CACNA2D3: variants seen among roughly 807,000 people sequenced by gnomAD.
CACNA2D3 encodes calcium voltage-gated channel auxiliary subunit alpha2delta 3, also known as voltage-dependent calcium channel subunit alpha-2/delta-3.
Under a neutral mutation model 160.6 loss-of-function variants are expected in CACNA2D3, and 60 were observed. The ratio of observed to expected loss-of-function variants is 0.37; its 90% confidence interval spans 0.30 to 0.46. The LOEUF is 0.46. Ranked by LOEUF, CACNA2D3 falls within the 20% of genes least tolerant of loss-of-function variation. The pLI, the probability that CACNA2D3 is intolerant of heterozygous loss-of-function variation, is 1.00. For synonymous variants in CACNA2D3, 558 were observed against 492.9 expected (o/e 1.13, Z -1.75); for missense variants, 1,205 against 1,365.0 (o/e 0.88, Z 1.85).
At chr3:54,620,541 A>G (rs924547376) in intron 9 of CACNA2D3, among the ~76,000 whole-genome samples, 19 of 152,140 alleles carry the variant, frequency 1.2e-4, no homozygotes, top group Non-Finnish European at 2.6e-4. Flanking sequence ...CAAAAAATAC[A>G]ATTATAAAGA....
intron 26 of CACNA2D3, among the ~76,000 whole-genome samples, chr3:54,897,283 C>T (rs1700212977): frequency 6.6e-6 from 1 of 152,128 alleles, no homozygotes. Flanking sequence ...AACTGATATG[C>T]CGGACTAAGG....
intron 17 of CACNA2D3, among the ~76,000 whole-genome samples, chr3:54,867,787 T>C (rs762733543): frequency 2.6e-5 from 4 of 152,234 alleles, no homozygotes; most frequent in Non-Finnish European, 5.9e-5. Flanking sequence ...TTTTCCTGGA[T>C]AAATCCAGGA....
At chr3:55,057,430 C>A (rs1036949520) in intron 35 of CACNA2D3, among the ~76,000 whole-genome samples, 1 of 152,116 alleles carries the variant, frequency 6.6e-6, no homozygotes. Flanking sequence ...AGATTCCCCC[C>A]ATCCCACCAA....
intron 2 of CACNA2D3, among the ~76,000 whole-genome samples, chr3:54,303,847 T>TTTC (rs1703535963): frequency 7.3e-6 from 1 of 136,508 alleles, no homozygotes; most frequent in African/African-American, 2.8e-5. Context: ...TTCTATTGCT[T>TTTC]AGTGCTGCTC....
intron 2 of CACNA2D3, among the ~76,000 whole-genome samples, chr3:54,244,622 A>G (rs1040531695): frequency 1.3e-5 from 2 of 152,242 alleles, no homozygotes; most frequent in African/African-American, 4.8e-5. Context: ...GGAAGCATGC[A>G]TTGAACATGC....
chr3:54,905,954 C>T (rs1297220136), intron 27 of CACNA2D3, among the ~76,000 whole-genome samples: 3 of 152,132 alleles, frequency 2.0e-5, no homozygotes, highest in Non-Finnish European at 2.9e-5. Flanking sequence ...GTGTTCCTAG[C>T]GCTGGGGATA....
At chr3:54,921,251 C>T (rs960494617) in intron 27 of CACNA2D3, among the ~76,000 whole-genome samples, 4 of 152,126 alleles carry the variant, frequency 2.6e-5, no homozygotes, top group African/African-American at 9.7e-5. Flanking sequence ...AGCTGTGCAG[C>T]CGTGAAAAAC....
At chr3:55,021,623 GTGTA>G (rs1206960854) in intron 35 of CACNA2D3, among the ~76,000 whole-genome samples, 3 of 132,788 alleles carry the variant, frequency 2.3e-5, no homozygotes, top group Non-Finnish European at 4.7e-5. Flanking sequence ...ATATGTGTGT[GTGTA>G]TATATATATA....
chr3:54,298,709 G>A (rs1272986303), intron 2 of CACNA2D3, among the ~76,000 whole-genome samples: 1 of 152,072 alleles, frequency 6.6e-6, no homozygotes, highest in Admixed American at 6.6e-5. Flanking sequence ...AGGAGGCTGA[G>A]GTGGGGGGAA....
chr3:54,492,675 G>T (rs1183867720), intron 4 of CACNA2D3, among the ~76,000 whole-genome samples: 1 of 152,160 alleles, frequency 6.6e-6, no homozygotes, highest in Non-Finnish European at 1.5e-5. Context: ...CCAAACCCCA[G>T]TATTCAAACA....
At chr3:54,290,911 G>T (rs1046326368) in intron 2 of CACNA2D3, among the ~76,000 whole-genome samples, 5 of 152,032 alleles carry the variant, frequency 3.3e-5, no homozygotes, top group African/African-American at 1.2e-4. Context: ...GCCTGTTGTG[G>T]GGTAGCGGGG....
intron 10 of CACNA2D3, among the ~76,000 whole-genome samples, chr3:54,636,367 C>T (rs1012316300): frequency 6.6e-5 from 10 of 151,746 alleles, no homozygotes; most frequent in Non-Finnish European, 1.3e-4. Flanking sequence ...TGTGGGAGGC[C>T]GGATTGAAGT....
chr3:54,840,719 ATTTTTT>A (rs35529003), intron 16 of CACNA2D3, among the ~76,000 whole-genome samples: 1 of 85,740 alleles, frequency 1.2e-5, no homozygotes. Context: ...AAGAGCCATG[ATTTTTT>A]TTTTTTTTTT....
At chr3:54,903,941 T>A (rs574355963) in intron 27 of CACNA2D3, among the ~76,000 whole-genome samples, 9 of 152,370 alleles carry the variant, frequency 5.9e-5, no homozygotes, top group African/African-American at 2.2e-4. Flanking sequence ...AAGTTCCTTA[T>A]AGATACTGGA....
chr3:54,312,449 T>C (rs932119930), intron 2 of CACNA2D3, among the ~76,000 whole-genome samples: 1 of 152,158 alleles, frequency 6.6e-6, no homozygotes, highest in Non-Finnish European at 1.5e-5. Flanking sequence ...TCCGAATTAA[T>C]TCTGATTGGC....
At chr3:54,877,996 A>G (rs1037052688) in intron 18 of CACNA2D3, among the ~76,000 whole-genome samples, 1 of 152,248 alleles carries the variant, frequency 6.6e-6, no homozygotes, top group South Asian at 2.1e-4. Context: ...TGTTAAAAAA[A>G]TATCTAGAGT....
intron 2 of CACNA2D3, among the ~76,000 whole-genome samples, chr3:54,198,951 C>T (rs11929042): frequency 0.31 from 46,681 of 152,218 alleles, 7,620 homozygotes; most frequent in Middle Eastern, 0.38. Context: ...GGCTGCTGGC[C>T]TGAGGACATT....
chr3:54,946,723 C>G (rs1402673106), intron 27 of CACNA2D3, among the ~76,000 whole-genome samples: 2 of 151,884 alleles, frequency 1.3e-5, no homozygotes, highest in Non-Finnish European at 2.9e-5. Context: ...CACTTCTCCA[C>G]TGGATGCAAA....
intron 2 of CACNA2D3, among the ~76,000 whole-genome samples, chr3:54,142,187 C>T (rs1041088915): frequency 6.6e-6 from 1 of 152,172 alleles, no homozygotes; most frequent in African/African-American, 2.4e-5. Flanking sequence ...TGTCCTGGTC[C>T]AGCGTCACCC....
Sources: allele counts gnomAD v4.1 joint callset (sites outside exome capture counted in the v4.1 genomes callset), GRCh38; gene constraint gnomAD v4.1.1; transcripts MANE v1.5; gene names NCBI Gene and HGNC (gene_info 2026-07-23, HGNC 2026-07-21).